The following PRKCB variants were observed in gnomAD, a reference collection of about 807,000 sequenced individuals.
PRKCB encodes the protein protein kinase C beta type.
In PRKCB, 13 loss-of-function variants were observed where a neutral mutation model predicts 81.5. The ratio of observed to expected loss-of-function variants is 0.16; its 90% CI spans 0.10 to 0.25. The LOEUF is 0.25. Among genes scored for constraint, PRKCB ranks in the 10% least tolerant of loss-of-function variants. The pLI is 1.00. For missense variants in PRKCB, 509 were observed against 875.7 expected, an observed-to-expected ratio of 0.58 and a Z score of 5.29; for synonymous variants, 335 against 321.4, an observed-to-expected ratio of 1.04 and a Z score of -0.45.
rs187386480 is a variant in PRKCB at position 24,129,707 on chromosome 16, G to A, written c.1065+5726G>A. Among the ~76,000 whole-genome samples the A allele has an allele frequency of 1.2e-3, 153 of 128,642 alleles. No homozygotes were observed. In the East Asian group the frequency reaches 0.024, roughly 20 times the overall value. The allele number at this position is 128,642 out of a possible 152,430, so 84.4% of individuals were successfully genotyped here. A position where few individuals can be genotyped will look rare whatever the true frequency, so the allele number is the denominator to read the frequency against. ...ATCTTATTATCTATCATCTGTCTACGTATCATCAATCAATCAATCATCTAT... is the reference window on the plus strand; with the variant it reads ...ATCTTATTATCTATCATCTGTCTACATATCATCAATCAATCAATCATCTAT... On this transcript the variant is annotated intron_variant, in intron 9 of 16. Coordinates refer to ENST00000643927, the MANE Select transcript of PRKCB (RefSeq NM_002738.7).
At chr16:24,181,527 GAGGCAGAGGC>G (rs1190097331) in intron 13 of PRKCB, among the ~76,000 whole-genome samples, 1 of 152,112 alleles carries the variant, frequency 6.6e-6, no homozygotes, top group African/African-American at 2.4e-5. Flanking sequence ...AGCACTTTGG[GAGGCAGAGGC>G]AGGTGGATCA....
chr16:23,920,074 A>G (rs1202832849), intron 2 of PRKCB, among the ~76,000 whole-genome samples: 1 of 152,212 alleles, frequency 6.6e-6, no homozygotes, highest in Non-Finnish European at 1.5e-5. Flanking sequence ...GAGAACCACC[A>G]TACTTGTTTT....
chr16:24,109,006 A>ATGGGGCGGCTGGCCGGGTGGGGGGCTGAC (rs1287393408), intron 7 of PRKCB, among the ~76,000 whole-genome samples: 1 of 141,746 alleles, frequency 7.1e-6, no homozygotes, highest in Admixed American at 7.0e-5. Context: ...TCCCTCCCGG[A>ATGGGGCGGCTGGCCGGGTGGGGGGCTGAC]CGGGGCGGCT....
chr16:24,100,086 A>C (rs774851036), intron 7 of PRKCB: 14 of 151,784 alleles, frequency 9.2e-5, no homozygotes, highest in Non-Finnish European at 1.5e-4. Flanking sequence ...TTATAATCTG[A>C]TATTTTATTG....
intron 3 of PRKCB, among the ~76,000 whole-genome samples, chr16:24,021,085 T>TTCTTTCTTTCCTTC (rs755362261): frequency 7.7e-6 from 1 of 130,136 alleles, no homozygotes; most frequent in Non-Finnish European, 1.6e-5. Flanking sequence ...CTTTCTTTCT[T>TTCTTTCTTTCCTTC]TCTTTTTTTC....
chr16:23,844,651 G>T (rs1271297535), intron 2 of PRKCB, among the ~76,000 whole-genome samples: 1 of 151,914 alleles, frequency 6.6e-6, no homozygotes, highest in African/African-American at 2.4e-5. Flanking sequence ...GGGACTACAG[G>T]CGCCCACCAC....
intron 2 of PRKCB, among the ~76,000 whole-genome samples, chr16:23,918,180 C>A (rs1387797000): frequency 6.6e-6 from 1 of 151,730 alleles, no homozygotes; most frequent in Admixed American, 6.6e-5. Flanking sequence ...TGGGAGGGAG[C>A]CAACAAAGAT....
intron 2 of PRKCB, among the ~76,000 whole-genome samples, chr16:23,955,587 G>T (rs937977051): frequency 2.7e-4 from 41 of 152,276 alleles, no homozygotes; most frequent in African/African-American, 9.9e-4. Context: ...GACAGTTAGG[G>T]TTGTCCATAA....
intron 12 of PRKCB, among the ~76,000 whole-genome samples, chr16:24,178,944 A>G (rs1967577008): frequency 6.6e-6 from 1 of 152,202 alleles, no homozygotes; most frequent in Admixed American, 6.5e-5. Flanking sequence ...TTAGGCCTGG[A>G]TAAATGCAGA....
intron 7 of PRKCB, among the ~76,000 whole-genome samples, chr16:24,104,241 A>G (rs1446060609): frequency 6.6e-6 from 1 of 152,228 alleles, no homozygotes; most frequent in African/African-American, 2.4e-5. Context: ...TTATCTGTAT[A>G]TGGCAATATT....
At chr16:24,208,382 AAAGAG>A (rs1968080775) in intron 16 of PRKCB, 1 of 152,288 alleles carries the variant, frequency 6.6e-6, no homozygotes. Flanking sequence ...ACAGAAATTA[AAAGAG>A]AAGAGAAAAA....
At chr16:23,990,670 C>T (rs922901802) in intron 3 of PRKCB, among the ~76,000 whole-genome samples, 1 of 151,976 alleles carries the variant, frequency 6.6e-6, no homozygotes, top group Non-Finnish European at 1.5e-5. Flanking sequence ...ACCTCAGCCG[C>T]CCACGTAGCT....
At chr16:24,102,265 A>G (rs1282442413) in intron 7 of PRKCB, among the ~76,000 whole-genome samples, 4 of 152,212 alleles carry the variant, frequency 2.6e-5, no homozygotes, top group Non-Finnish European at 4.4e-5. Flanking sequence ...AGTTGATGAC[A>G]TAATAGTTGG....
chr16:24,047,066 C>T (rs1191025818), intron 5 of PRKCB, among the ~76,000 whole-genome samples: 6 of 151,890 alleles, frequency 4.0e-5, no homozygotes, highest in African/African-American at 7.3e-5. Context: ...AGGCAGGGTG[C>T]GGTGGCTCAT....
intron 7 of PRKCB, among the ~76,000 whole-genome samples, chr16:24,101,627 A>G (rs1966509343): frequency 6.6e-6 from 1 of 152,262 alleles, no homozygotes; most frequent in Non-Finnish European, 1.5e-5. Context: ...AGGCCCAGGA[A>G]TGGACAAGGA....
intron 3 of PRKCB, among the ~76,000 whole-genome samples, chr16:24,015,989 T>G (rs1377049028): frequency 6.6e-6 from 1 of 152,170 alleles, no homozygotes; most frequent in Non-Finnish European, 1.5e-5. Context: ...TAGTTAATAA[T>G]AATAGCTTGT....
intron 2 of PRKCB, among the ~76,000 whole-genome samples, chr16:23,928,685 T>C (rs1963930538): frequency 6.6e-6 from 1 of 151,662 alleles, no homozygotes. Context: ...CTGGAGGAGG[T>C]GATTTTGGTA....
intron 5 of PRKCB, among the ~76,000 whole-genome samples, chr16:24,039,663 G>A (rs1965674499): frequency 6.6e-6 from 1 of 152,188 alleles, no homozygotes; most frequent in African/African-American, 2.4e-5. Flanking sequence ...AGGTGAGGAG[G>A]CTTCTGTGCA....
chr16:24,110,353 G>C (rs1411726662), intron 7 of PRKCB, among the ~76,000 whole-genome samples: 1 of 149,022 alleles, frequency 6.7e-6, no homozygotes, highest in African/African-American at 2.5e-5. Flanking sequence ...CTGGGACTAC[G>C]GGCGCGTGCC....
Sources: gnomAD v4.1 joint callset for allele counts (sites outside exome capture counted in the v4.1 genomes callset) on GRCh38, gnomAD v4.1.1 for gene constraint, MANE v1.5 for transcripts, NCBI Gene and HGNC (gene_info 2026-07-23, HGNC 2026-07-21) for gene names.